The following MYPN variants were observed in gnomAD, a reference collection of about 807,000 sequenced individuals.
The protein encoded by MYPN is sarcomeric protein myopalladin, 145 kDa (MYOP).
Under a neutral mutation model 129.4 loss-of-function variants are expected in MYPN, and 63 were observed. That is an observed-to-expected ratio of 0.49 (90% CI 0.40 to 0.60). The LOEUF is 0.60. MYPN is among the 20% of genes least tolerant of loss of function. The pLI, the probability that MYPN is intolerant of heterozygous loss-of-function variation, is 0.00. For missense variants in MYPN, 1,596 were observed against 1,635.4 expected (o/e 0.98, Z 0.42); for synonymous variants, 629 against 600.9 (o/e 1.05, Z -0.68).
chr10:68,141,388 T>G (rs1194889748), intron 2 of MYPN, among the ~76,000 whole-genome samples: 6 of 151,280 alleles, frequency 4.0e-5, no homozygotes, highest in African/African-American at 1.5e-4. Context: ...AAAAAGAATA[T>G]TGCTGTATAA....
chr10:68,106,494 G>A, upstream of MYPN: 1 of 561,104 alleles, frequency 1.8e-6, no homozygotes, highest in Non-Finnish European at 3.2e-6. Context: ...CATTAAAAAT[G>A]GCTAAAAAAT....
chr10:68,099,899 A>C (rs995071674), intron 1 of MYPN, among the ~76,000 whole-genome samples: 3 of 152,076 alleles, frequency 2.0e-5, no homozygotes, highest in Non-Finnish European at 2.9e-5. Context: ...ATTACTAATG[A>C]GTGTGCAGGC....
chr10:68,164,580 T>G (rs1467966914), intron 8 of MYPN, among the ~76,000 whole-genome samples: 4 of 152,226 alleles, frequency 2.6e-5, no homozygotes, highest in Non-Finnish European at 5.9e-5. Flanking sequence ...CTGCCAAGTT[T>G]CTCCTAATGC....
chr10:68,187,583 C>G (rs573573566), intron 12 of MYPN, among the ~76,000 whole-genome samples: 2 of 152,226 alleles, frequency 1.3e-5, no homozygotes, highest in South Asian at 4.1e-4. Context: ...GGACAGAAAT[C>G]AAGCATGTGC....
chr10:68,162,596 C>A (rs1485398932), intron 8 of MYPN, among the ~76,000 whole-genome samples: 2 of 152,206 alleles, frequency 1.3e-5, no homozygotes, highest in Non-Finnish European at 2.9e-5. Flanking sequence ...TCTGTGACCA[C>A]CTGGAAAAAT....
At chr10:68,114,318 T>G (rs970294827) in intron 1 of MYPN, 6 of 151,990 alleles carry the variant, frequency 3.9e-5, no homozygotes, top group African/African-American at 1.2e-4. Flanking sequence ...AAACTTTTGT[T>G]TTTATGAACC....
intron 17 of MYPN, among the ~76,000 whole-genome samples, chr10:68,201,369 T>C (rs1013359947): frequency 1.3e-5 from 2 of 152,062 alleles, no homozygotes; most frequent in Admixed American, 6.6e-5. Context: ...ACATGAGGAG[T>C]GTTCTGACCA....
At chr10:68,156,834 A>C (rs2042883509) in intron 6 of MYPN, among the ~76,000 whole-genome samples, 1 of 152,268 alleles carries the variant, frequency 6.6e-6, no homozygotes, top group African/African-American at 2.4e-5. Flanking sequence ...TGCAGGTCCA[A>C]AAATTGTAAT....
At chr10:68,116,876 A>G (rs895523160) in intron 1 of MYPN, among the ~76,000 whole-genome samples, 1 of 152,192 alleles carries the variant, frequency 6.6e-6, no homozygotes, top group Non-Finnish European at 1.5e-5. Flanking sequence ...CTTTGTGTCT[A>G]TAAGTTTTCT....
rs1564662683 is a variant in MYPN at position 68,148,396 on chromosome 10, G to T, written c.1174G>T (p.Ala392Ser). 6.2e-7 allele frequency: 1 copy of T among 1,614,100 alleles called. No homozygotes were observed. The highest frequency in any genetic ancestry group is 8.5e-7 in the Non-Finnish European group (1 of 1,179,972). ...NEVSSPPTTSAVIPPAVPQAQ... is the reference protein window; with the variant it reads ...NEVSSPPTTSSVIPPAVPQAQ... ...GGTGTCATCTCCTCCCACTACCTCT[G>T]CAGTCATTCCTCCAGCAGTACCCCA... is the stretch of plus-strand genomic sequence containing the variant. The change falls in exon 5 of 20, where the codon GCA (alanine) becomes TCA (serine). Residue 392 changes from alanine (A) to serine (S), a missense_variant. Transcript: ENST00000358913.
chr10:68,094,586 G>T (rs1422198467), intron 1 of MYPN, among the ~76,000 whole-genome samples: 9 of 152,050 alleles, frequency 5.9e-5, no homozygotes, highest in Non-Finnish European at 2.9e-5. Flanking sequence ...ATTTTACCCA[G>T]CCCCTATTCG....
chr10:68,206,982 G>A (rs1040244506), intron 19 of MYPN, 79 bp downstream of exon 19: 11 of 1,554,696 alleles, frequency 7.1e-6, no homozygotes, highest in South Asian at 1.1e-5. Flanking sequence ...AATGGGTCAG[G>A]CAAGGTGGCT....
chr10:68,204,566 A>G (rs2043779422), intron 18 of MYPN, among the ~76,000 whole-genome samples: 1 of 151,978 alleles, frequency 6.6e-6, no homozygotes, highest in Non-Finnish European at 1.5e-5. Context: ...TACTATACAA[A>G]AATTAGCCAG....
chr10:68,175,323 G>A lies in MYPN; in HGVS notation c.2565G>A (p.Met855Ile), dbSNP rs1017021144. The stretch of plus-strand genomic sequence containing the variant: ...TGTCAGGTGTGGATTTATCTTACAG[G>A]CCATCCCAGGGATTAGCGAAGAAAA... ...AMGLPRSAPS[M>I]PSQGLAKKNT... Residue 855 changes from methionine (M) to isoleucine (I), a missense_variant and splice_region_variant, in exon 12 of 20, where the codon ATG becomes ATA. Transcript: ENST00000358913. 2 of 1,613,756 alleles carry A rather than the reference G, an allele frequency of 1.2e-6. No homozygotes were observed. The highest frequency in any genetic ancestry group is 1.7e-6 in the Non-Finnish European group (2 of 1,179,922).
chr10:68,148,045 C>A lies in MYPN; in HGVS notation c.1131-308C>A, dbSNP rs75509636. Among the ~76,000 whole-genome samples, 2,007 of 152,250 alleles carry A rather than the reference C, an allele frequency of 0.013. 44 individuals carry two copies. The highest frequency in any genetic ancestry group is 0.046 in the African/African-American group (1,895 of 41,526). On this transcript the variant is annotated intron_variant, in intron 4 of 19. Transcript: ENST00000358913. ...CAACAAAACAAATCTCAAAAAATTA[C>A]CTTCTGCACATGCTTCCATCACTGC...
At chr10:68,184,013 A>C (rs1054718192) in intron 12 of MYPN, among the ~76,000 whole-genome samples, 2 of 151,934 alleles carry the variant, frequency 1.3e-5, no homozygotes, top group South Asian at 4.2e-4. Context: ...CAGAGTGAGA[A>C]CCCTGTCTCA....
At chr10:68,157,279 G>A (rs1466070580) in intron 6 of MYPN, among the ~76,000 whole-genome samples, 1 of 152,150 alleles carries the variant, frequency 6.6e-6, no homozygotes, top group Non-Finnish European at 1.5e-5. Context: ...AGATTAGTGA[G>A]CCTATCCTGT....
In MYPN at chr10:68,206,776, C is replaced by G; in HGVS notation, c.3666C>G (p.His1222Gln). The G allele has an allele frequency of 6.2e-7, 1 of 1,614,166 alleles. No individual in the cohort carries two copies. Among genetic ancestry groups the G allele is most frequent in the Non-Finnish European group, 8.5e-7 (1 of 1,180,028 alleles). The stretch of plus-strand genomic sequence containing the variant: ...ATTCTCTCTTTTTCTCCAGTATGCA[C>G]CAGGACACAACAGGGTATGCCTGCC... ...IPCTRERISM[H>Q]QDTTGYACLL... The change falls in exon 19 of 20, where the codon CAC (histidine) becomes CAG (glutamine). Residue 1222 changes from histidine (H) to glutamine (Q), a missense_variant. By Grantham distance (24) the His-to-Gln change is conservative (BLOSUM62 0). Coordinates refer to ENST00000358913, the MANE Select transcript of MYPN (RefSeq NM_032578.4).
intron 10 of MYPN, among the ~76,000 whole-genome samples, chr10:68,173,610 AT>A (rs892522405): frequency 1.3e-5 from 2 of 148,602 alleles, no homozygotes; most frequent in African/African-American, 4.9e-5. Context: ...TTATTTATTT[AT>A]TTATTTATTG....
Sources: allele counts gnomAD v4.1 joint callset (sites outside exome capture counted in the v4.1 genomes callset), GRCh38; gene constraint gnomAD v4.1.1; transcripts MANE v1.5; gene names NCBI Gene and HGNC (gene_info 2026-07-23, HGNC 2026-07-21).